The following SHANK2 variants were observed in gnomAD, a reference collection of about 807,000 sequenced individuals.
SHANK2 encodes SH3 and multiple ankyrin repeat domains 2.
Under a neutral mutation model 133.7 loss-of-function variants are expected in SHANK2, and 43 were observed. That is an observed-to-expected ratio of 0.32 (90% CI 0.25 to 0.41). SHANK2 has a LOEUF of 0.41. Among genes scored for constraint, SHANK2 ranks in the 10% least tolerant of loss-of-function variants. The probability of loss-of-function intolerance (pLI) is 1.00; values close to 1 mark genes in which losing one functional copy is unlikely to be tolerated. For synonymous variants in SHANK2, 1,017 were observed against 952.8 expected (o/e 1.07, Z -1.24); for missense variants, 1,994 against 2,235.8 (o/e 0.89, Z 2.18).
Position 70,479,423 on chromosome 11 carries a change from C to T in SHANK2, c.4979+5891G>A, listed in dbSNP as rs2058703969. 6.6e-6 allele frequency among the ~76,000 whole-genome samples: 1 copy of T among 152,242 alleles called. No individual in the cohort carries two copies. Among genetic ancestry groups the T allele is most frequent in the South Asian group, 2.1e-4 (1 of 4,838 alleles). ...AGGGGAGGCAGGTACCGTGAGGCAGCAGGCGCAGGGGCCTCGGGAGGAAAA... is the reference window on the plus strand; with the variant it reads ...AGGGGAGGCAGGTACCGTGAGGCAGTAGGCGCAGGGGCCTCGGGAGGAAAA... On this transcript the variant is annotated intron_variant, in intron 25 of 25. Coordinates refer to ENST00000601538, the MANE Select transcript of SHANK2 (RefSeq NM_012309.5). The surrounding 1 kb of genome is among the most constrained non-coding windows in gnomAD (Gnocchi z 4.4).
intron 14 of SHANK2, among the ~76,000 whole-genome samples, chr11:70,787,822 G>A (rs1343223307): frequency 6.6e-6 from 1 of 152,190 alleles, no homozygotes; most frequent in African/African-American, 2.4e-5. Context: ...ACAGATGTCA[G>A]CTCAGATGTA....
chr11:70,754,057 C>T (rs1555038080), intron 14 of SHANK2, among the ~76,000 whole-genome samples: 1 of 151,152 alleles, frequency 6.6e-6, no homozygotes, highest in Admixed American at 6.5e-5. Context: ...AGTGATCCAC[C>T]CACCTCGGCC....
chr11:71,203,775 G>C (rs1954068551), intron 2 of SHANK2, among the ~76,000 whole-genome samples: 1 of 152,168 alleles, frequency 6.6e-6, no homozygotes, highest in Non-Finnish European at 1.5e-5. Flanking sequence ...CCACATGGTA[G>C]CAGCGTGACC....
At position 71,242,166 on chromosome 11, in the gene SHANK2, G is replaced by A. The variant is rs545903824; in HGVS notation, c.-113+10259C>T. ...AGACAAACACTGCATGATTCCACTTGGATGAGGTCCCTACAGAAGTCAAAG... is the reference window on the plus strand; with the variant it reads ...AGACAAACACTGCATGATTCCACTTAGATGAGGTCCCTACAGAAGTCAAAG... On this transcript the variant is annotated intron_variant, in intron 1 of 25. Transcript: ENST00000601538. Among the ~76,000 whole-genome samples the A allele has an allele frequency of 2.3e-3, 353 of 152,254 alleles. 4 individuals carry two copies. Among genetic ancestry groups the A allele is most frequent in the African/African-American group, 8.4e-3 (348 of 41,550 alleles).
At chr11:70,573,066 G>A (rs1310574200) in intron 17 of SHANK2, among the ~76,000 whole-genome samples, 1 of 152,102 alleles carries the variant, frequency 6.6e-6, no homozygotes, top group Non-Finnish European at 1.5e-5. Flanking sequence ...TCGGCAACGC[G>A]AAGGAACGGA....
At chr11:70,856,742 G>A (rs1277442157) in intron 11 of SHANK2, among the ~76,000 whole-genome samples, 1 of 152,114 alleles carries the variant, frequency 6.6e-6, no homozygotes, top group Non-Finnish European at 1.5e-5. Context: ...TCTGATTCCT[G>A]CTTTATTGAA....
intron 10 of SHANK2, among the ~76,000 whole-genome samples, chr11:70,953,076 G>A (rs1441202921): frequency 1.3e-5 from 2 of 151,952 alleles, no homozygotes; most frequent in Non-Finnish European, 2.9e-5. Context: ...GCCCTACGAG[G>A]ACCTTGGTGA....
At chr11:70,858,501 C>T (rs1399742252) in intron 11 of SHANK2, among the ~76,000 whole-genome samples, 1 of 152,236 alleles carries the variant, frequency 6.6e-6, no homozygotes, top group African/African-American at 2.4e-5. Context: ...AGATTCCAAC[C>T]TGACCATGGC....
chr11:70,528,631 G>A (rs180787564), intron 17 of SHANK2, among the ~76,000 whole-genome samples: 1 of 152,264 alleles, frequency 6.6e-6, no homozygotes, highest in African/African-American at 2.4e-5. Flanking sequence ...GCCCGGCAGA[G>A]CCTGAGGCTG....
At chr11:70,665,273 T>G (rs534841729) in intron 15 of SHANK2, among the ~76,000 whole-genome samples, 5 of 152,324 alleles carry the variant, frequency 3.3e-5, no homozygotes, top group African/African-American at 1.2e-4. Context: ...CCCAAGTAGC[T>G]GGGACTACAG....
At position 70,637,101 on chromosome 11, in the gene SHANK2, CTGTG is replaced by C. The variant is rs111979126; in HGVS notation, c.2061+22723_2061+22726del. Among the ~76,000 whole-genome samples, 206 of 150,132 alleles carry C rather than the reference CTGTG, an allele frequency of 1.4e-3. 1 individual carries two copies. The highest frequency in any genetic ancestry group is 4.7e-3 in the African/African-American group (191 of 40,866). ...CGTGTGTGTGCATGTGTATGGGTACCTGTGTGTATGTGCACGTGTGTGGGTGCCT... is the reference window on the plus strand; with the variant it reads ...CGTGTGTGTGCATGTGTATGGGTACCTGTATGTGCACGTGTGTGGGTGCCT... On this transcript the variant is annotated intron_variant, in intron 17 of 25. Transcript: ENST00000601538.
At chr11:71,102,531 C>T (rs1951732355) in intron 6 of SHANK2, among the ~76,000 whole-genome samples, 1 of 152,200 alleles carries the variant, frequency 6.6e-6, no homozygotes, top group Admixed American at 6.5e-5. Flanking sequence ...GCTTTCAACT[C>T]TAAGCACAGA....
chr11:71,194,762 G>T (rs868978277), intron 2 of SHANK2, among the ~76,000 whole-genome samples: 1 of 152,168 alleles, frequency 6.6e-6, no homozygotes, highest in Non-Finnish European at 1.5e-5. Context: ...AATAATTCAG[G>T]CTTCCATAAC....
At chr11:70,847,240 C>G (rs1949010623) in intron 11 of SHANK2, among the ~76,000 whole-genome samples, 1 of 152,178 alleles carries the variant, frequency 6.6e-6, no homozygotes, top group South Asian at 2.1e-4. Flanking sequence ...CACCATGGCA[C>G]CCCGCGGGAG....
chr11:71,182,106 G>A (rs1555113876), intron 2 of SHANK2, among the ~76,000 whole-genome samples: 1 of 152,048 alleles, frequency 6.6e-6, no homozygotes, highest in Admixed American at 6.5e-5. Context: ...CCAGAGGCTA[G>A]GGCCTTTTCC....
At chr11:70,639,962 TCAGGCCCA>T (rs2061155407) in intron 17 of SHANK2, among the ~76,000 whole-genome samples, 1 of 152,148 alleles carries the variant, frequency 6.6e-6, no homozygotes, top group Non-Finnish European at 1.5e-5. Flanking sequence ...GGGCAGGTCT[TCAGGCCCA>T]CAGGCCCGTC....
chr11:70,748,525 G>A (rs985151932), intron 14 of SHANK2, among the ~76,000 whole-genome samples: 4 of 152,114 alleles, frequency 2.6e-5, no homozygotes, highest in Non-Finnish European at 5.9e-5. Flanking sequence ...TGCCCAAAGG[G>A]GGCCCCATCA....
chr11:71,089,594 C>G (rs1951470628), intron 8 of SHANK2, among the ~76,000 whole-genome samples: 1 of 151,836 alleles, frequency 6.6e-6, no homozygotes. Context: ...GGGGCTCACA[C>G]CCAGTAGACG....
chr11:70,502,159 G>T, intron 19 of SHANK2, 47 bp downstream of exon 19: 1 of 1,538,314 alleles, frequency 6.5e-7, no homozygotes, highest in Non-Finnish European at 8.8e-7. Context: ...GGCAGCTCAG[G>T]GACCGGCATG....
Sources: gnomAD v4.1 joint callset for allele counts (sites outside exome capture counted in the v4.1 genomes callset) on GRCh38, gnomAD v4.1.1 for gene constraint, Gnocchi (gnomAD v3.1) non-coding constraint, MANE v1.5 for transcripts, NCBI Gene and HGNC (gene_info 2026-07-23, HGNC 2026-07-21) for gene names.